TSHZ2: variants seen among roughly 807,000 people sequenced by gnomAD.
The protein encoded by TSHZ2 is teashirt zinc finger homeobox 2.
A neutral mutation model predicts 74.4 loss-of-function variants in TSHZ2; 21 were observed. That is an observed-to-expected ratio of 0.28 (90% confidence interval 0.20 to 0.41). The LOEUF is 0.41. Ranked by LOEUF, TSHZ2 falls within the 10% of genes least tolerant of loss-of-function variation. TSHZ2 has a pLI of 1.00. For missense variants in TSHZ2, 1,244 were observed against 1,293.5 expected (o/e 0.96, Z 0.59); for synonymous variants, 540 against 515.3 (o/e 1.05, Z -0.65).
At chr20:53,005,860 C>T (rs1312359659) in intron 1 of TSHZ2, among the ~76,000 whole-genome samples, 1 of 152,074 alleles carries the variant, frequency 6.6e-6, no homozygotes, top group African/African-American at 2.4e-5. Context: ...ATAAGATAAG[C>T]CCATTGGGTT....
rs552899057 is a variant in TSHZ2 at position 53,142,723 on chromosome 20, A to G, written c.41-110776A>G. Among the ~76,000 whole-genome samples, 58 of 152,240 alleles carry G rather than the reference A, an allele frequency of 3.8e-4. 1 individual carries two copies. The highest frequency in any genetic ancestry group is 1.3e-3 in the African/African-American group (56 of 41,534). ...CTGAGGGTGTGGCCTACTCATTTGC[A>G]GAGTGCATTCAAAAGATTAAAATTC... On this transcript the variant is annotated intron_variant, in intron 1 of 2. Coordinates refer to ENST00000371497, the MANE Select transcript of TSHZ2 (RefSeq NM_173485.6).
chr20:53,075,895 A>G (rs1434711799), intron 1 of TSHZ2, among the ~76,000 whole-genome samples: 1 of 152,130 alleles, frequency 6.6e-6, no homozygotes, highest in Non-Finnish European at 1.5e-5. Flanking sequence ...AATGTGTTTT[A>G]AGTGGCACAT....
intron 1 of TSHZ2, among the ~76,000 whole-genome samples, chr20:53,142,341 A>G (rs1477567721): frequency 2.6e-5 from 4 of 152,362 alleles, no homozygotes; most frequent in South Asian, 2.1e-4. Flanking sequence ...GACCGGAAGA[A>G]CAGGAGAACA....
chr20:53,493,786 CCAAA>C lies in TSHZ2; in HGVS notation c.*6654_*6657del, dbSNP rs766775125. 13 of 152,190 alleles carry C rather than the reference CCAAA, an allele frequency of 8.5e-5. No homozygotes were observed. In the South Asian group the frequency reaches 1.2e-3, roughly 15 times the overall value. The allele number at this position is 152,190 out of a possible 1,614,324, so 9.4% of individuals were successfully genotyped here. ...CTAGGAAGATTATACCACCCTGTGG[CCAAA>C]CAGATTCATCACAGATAGGCATCTA... On this transcript the variant is annotated 3_prime_UTR_variant, in exon 3 of 3. Coordinates refer to ENST00000371497, the MANE Select transcript of TSHZ2 (RefSeq NM_173485.6).
intron 1 of TSHZ2, among the ~76,000 whole-genome samples, chr20:53,201,304 A>G (rs1468626280): frequency 1.3e-5 from 2 of 152,152 alleles, no homozygotes; most frequent in African/African-American, 4.8e-5. Flanking sequence ...GCTAAAATGG[A>G]TGTGTCAGTA....
chr20:53,455,639 T>G (rs908158200), intron 2 of TSHZ2, among the ~76,000 whole-genome samples: 1 of 152,150 alleles, frequency 6.6e-6, no homozygotes, highest in South Asian at 2.1e-4. Context: ...CGTATACATG[T>G]GCCATGCTGG....
At chr20:53,334,408 G>C (rs972385598) in intron 2 of TSHZ2, among the ~76,000 whole-genome samples, 5 of 152,078 alleles carry the variant, frequency 3.3e-5, no homozygotes, top group African/African-American at 1.2e-4. Context: ...TGGGGGAACA[G>C]CAAGTGCACA....
intron 2 of TSHZ2, among the ~76,000 whole-genome samples, chr20:53,424,902 T>G (rs1983604558): frequency 6.6e-6 from 1 of 152,234 alleles, no homozygotes; most frequent in Non-Finnish European, 1.5e-5. Flanking sequence ...ATCTCATTCC[T>G]TTTTATAGCT....
intron 2 of TSHZ2, among the ~76,000 whole-genome samples, chr20:53,280,909 G>A (rs1416780408): frequency 6.6e-6 from 1 of 152,132 alleles, no homozygotes. Flanking sequence ...AACCAGGGTG[G>A]TCTCGATCTC....
intron 1 of TSHZ2, among the ~76,000 whole-genome samples, chr20:53,037,235 C>G (rs1386840103): frequency 1.3e-5 from 2 of 152,140 alleles, no homozygotes; most frequent in Non-Finnish European, 2.9e-5. Context: ...GCTCAGGAAG[C>G]AGAGGCAGAA....
At chr20:53,439,347 A>T (rs6022470) in intron 2 of TSHZ2, among the ~76,000 whole-genome samples, 20,509 of 152,154 alleles carry the variant, frequency 0.13, 2,093 homozygotes, top group African/African-American at 0.29. Flanking sequence ...CTAGCTCACT[A>T]TTAAAAAAAA....
chr20:53,022,722 C>G (rs1983289159), intron 1 of TSHZ2, among the ~76,000 whole-genome samples: 1 of 152,174 alleles, frequency 6.6e-6, no homozygotes, highest in Non-Finnish European at 1.5e-5. Flanking sequence ...GTAATCGTGT[C>G]TCTAATTGTA....
intron 1 of TSHZ2, among the ~76,000 whole-genome samples, chr20:53,248,231 T>A (rs2123709135): frequency 6.6e-6 from 1 of 151,440 alleles, no homozygotes; most frequent in East Asian, 1.9e-4. Context: ...CCATTATGCC[T>A]GGCTATTTTT....
intron 1 of TSHZ2, among the ~76,000 whole-genome samples, chr20:52,974,038 C>T (rs1437934987): frequency 1.3e-5 from 2 of 152,068 alleles, no homozygotes; most frequent in Non-Finnish European, 1.5e-5. Flanking sequence ...TGAAATGATT[C>T]GTACTGTAAA....
At chr20:53,137,289 C>T (rs1196954870) in intron 1 of TSHZ2, among the ~76,000 whole-genome samples, 4 of 140,454 alleles carry the variant, frequency 2.8e-5, no homozygotes, top group Non-Finnish European at 6.1e-5. Flanking sequence ...ATAATATATT[C>T]GTGTTTCTTT....
chr20:53,084,694 T>C lies in TSHZ2; in HGVS notation c.40+111361T>C, dbSNP rs1293445. ...CTCTCCCTCCCTCCCTCCCTCCCTC[T>C]CTCCCTCTCTCCCTCTCTCCTTCCC... On this transcript the variant is annotated intron_variant, in intron 1 of 2. Coordinates refer to ENST00000371497, the MANE Select transcript of TSHZ2 (RefSeq NM_173485.6). Among the ~76,000 whole-genome samples, 187 of 19,342 alleles carry C rather than the reference T, an allele frequency of 9.7e-3. 1 individual carries two copies. Among genetic ancestry groups the C allele is most frequent in the Middle Eastern group, 0.033 (1 of 30 alleles). 12.7% of individuals were successfully genotyped at this position (19,342 alleles called of 152,430 possible). A position where few individuals can be genotyped will look rare whatever the true frequency, so the allele number is the denominator to read the frequency against.
rs147882433 is a variant in TSHZ2 at position 53,166,097 on chromosome 20, C to T, written c.41-87402C>T. Among the ~76,000 whole-genome samples the T allele has an allele frequency of 2.2e-3, 334 of 152,252 alleles. 2 individuals carry two copies. The highest frequency in any genetic ancestry group is 0.012 in the South Asian group (59 of 4,820). Reference sequence around the variant, plus strand: ...AAGATTTGTCTAGAATGGGCTGTGACGACAACTGGACATCTCCACCCTTTG... The same window carrying T: ...AAGATTTGTCTAGAATGGGCTGTGATGACAACTGGACATCTCCACCCTTTG... On this transcript the variant is annotated intron_variant, in intron 1 of 2. Coordinates refer to ENST00000371497, the MANE Select transcript of TSHZ2 (RefSeq NM_173485.6).
chr20:53,357,361 A>G (rs1343525203), intron 2 of TSHZ2, among the ~76,000 whole-genome samples: 1 of 152,162 alleles, frequency 6.6e-6, no homozygotes, highest in African/African-American at 2.4e-5. Context: ...GCAAGTTTTC[A>G]ATTGCATTTA....
intron 1 of TSHZ2, among the ~76,000 whole-genome samples, chr20:53,113,437 G>A (rs888370542): frequency 3.3e-5 from 5 of 151,998 alleles, no homozygotes; most frequent in South Asian, 2.1e-4. Flanking sequence ...GTAGTTTATC[G>A]CTGTTTAGCG....
Sources: gnomAD v4.1 joint callset for allele counts (sites outside exome capture counted in the v4.1 genomes callset) on GRCh38, gnomAD v4.1.1 for gene constraint, MANE v1.5 for transcripts, NCBI Gene and HGNC (gene_info 2026-07-23, HGNC 2026-07-21) for gene names.